ADCY8: variants seen among roughly 807,000 people sequenced by gnomAD.
ADCY8 encodes adenylate cyclase 8, also known as adenylate cyclase type 8.
A neutral mutation model predicts 119.7 loss-of-function variants in ADCY8; 51 were observed. The observed-to-expected ratio is 0.43, with a 90% CI of 0.34 to 0.54. ADCY8 has a LOEUF of 0.54. ADCY8 is among the 20% of genes least tolerant of loss of function. The pLI is 0.03. For missense variants in ADCY8, 1,383 were observed against 1,598.8 expected, an observed-to-expected ratio of 0.87 and a Z score of 2.30; for synonymous variants, 665 against 651.0, an observed-to-expected ratio of 1.02 and a Z score of -0.33.
chr8:130,835,800 A>G (rs867458160), intron 12 of ADCY8, among the ~76,000 whole-genome samples: 16 of 152,308 alleles, frequency 1.1e-4, no homozygotes, highest in South Asian at 2.1e-4. Flanking sequence ...TTGTTAAACT[A>G]TACTGTTTTT....
intron 1 of ADCY8, among the ~76,000 whole-genome samples, chr8:131,029,565 C>A (rs1823931910): frequency 6.6e-6 from 1 of 152,116 alleles, no homozygotes; most frequent in East Asian, 1.9e-4. Context: ...AGTAGATGGG[C>A]CTGATCCATT....
chr8:130,800,989 C>G (rs1041929534), intron 14 of ADCY8, among the ~76,000 whole-genome samples: 1 of 152,184 alleles, frequency 6.6e-6, no homozygotes, highest in African/African-American at 2.4e-5. Flanking sequence ...CCTTCATGAT[C>G]TAATCACCTC....
chr8:130,804,931 G>T (rs1349772401), intron 14 of ADCY8, among the ~76,000 whole-genome samples: 3 of 152,142 alleles, frequency 2.0e-5, no homozygotes, highest in African/African-American at 7.2e-5. Context: ...ATTTTTAGTA[G>T]AGATGGGGTT....
At chr8:131,034,413 C>A (rs879467637) in intron 1 of ADCY8, among the ~76,000 whole-genome samples, 4 of 151,814 alleles carry the variant, frequency 2.6e-5, no homozygotes, top group Non-Finnish European at 4.4e-5. Context: ...CTCCTGAACC[C>A]AACTTACTCA....
At chr8:130,875,895 G>A (rs914855960) in intron 8 of ADCY8, among the ~76,000 whole-genome samples, 1 of 152,136 alleles carries the variant, frequency 6.6e-6, no homozygotes, top group Non-Finnish European at 1.5e-5. Flanking sequence ...ACCGAAAAAA[G>A]AAATAACATT....
intron 2 of ADCY8, among the ~76,000 whole-genome samples, chr8:130,965,584 G>A (rs1228977560): frequency 6.6e-6 from 1 of 152,148 alleles, no homozygotes; most frequent in African/African-American, 2.4e-5. Context: ...GTAATGTTAT[G>A]TTCTTACAAC....
intron 2 of ADCY8, among the ~76,000 whole-genome samples, chr8:130,978,713 A>T (rs560610946): frequency 2.0e-5 from 3 of 152,202 alleles, no homozygotes; most frequent in African/African-American, 7.2e-5. Flanking sequence ...TTACAAAAAA[A>T]TTCTATTTAA....
At chr8:131,031,143 A>G (rs1285591081) in intron 1 of ADCY8, among the ~76,000 whole-genome samples, 2 of 152,154 alleles carry the variant, frequency 1.3e-5, no homozygotes, top group Non-Finnish European at 1.5e-5. Context: ...ATAGGAATAG[A>G]TATATAGATC....
Position 130,884,619 on chromosome 8 carries a change from C to G in ADCY8, c.2054G>C (p.Arg685Thr). Residue 685 changes from arginine to threonine, a missense_variant, in exon 8 of 18, where the codon AGA becomes ACA. By Grantham distance (71) the Arg-to-Thr change is moderately conservative (BLOSUM62 -1). Coordinates refer to ENST00000286355, the MANE Select transcript of ADCY8 (RefSeq NM_001115.3). ...IDLRSGDKLR[R>T]EHIKPFSLMF... ...CAGTGAGAATGGCTTGATATGCTCT[C>G]TTCTCAATTTATCGCCACTCCGCAA... The G allele has an allele frequency of 1.2e-6, 2 of 1,613,856 alleles. No individual in the cohort carries two copies. Among genetic ancestry groups the G allele is most frequent in the Non-Finnish European group, 1.7e-6 (2 of 1,179,860 alleles).
chr8:130,856,870 G>GTCTGGA (rs1386589831), intron 9 of ADCY8, among the ~76,000 whole-genome samples: 1 of 151,684 alleles, frequency 6.6e-6, no homozygotes, highest in Non-Finnish European at 1.5e-5. Context: ...TTTGGAATAA[G>GTCTGGA]TCTGGAACAT....
intron 2 of ADCY8, among the ~76,000 whole-genome samples, chr8:130,979,701 A>G (rs1461024649): frequency 1.1e-4 from 17 of 152,192 alleles, no homozygotes; most frequent in Admixed American, 8.5e-4. Context: ...TTCCTCATCT[A>G]TAAAATGGAG....
intron 17 of ADCY8, among the ~76,000 whole-genome samples, chr8:130,783,456 G>T: frequency 6.6e-6 from 1 of 152,228 alleles, no homozygotes; most frequent in Non-Finnish European, 1.5e-5. Context: ...GCCAAAGGCT[G>T]GCTGCTTTGT....
intron 2 of ADCY8, among the ~76,000 whole-genome samples, chr8:130,953,280 T>A (rs1821330524): frequency 6.6e-6 from 1 of 152,232 alleles, no homozygotes; most frequent in Non-Finnish European, 1.5e-5. Flanking sequence ...TATGGTTTAC[T>A]ATAGTGTCAA....
chr8:130,815,354 C>T (rs968492204), intron 13 of ADCY8, among the ~76,000 whole-genome samples: 2 of 152,178 alleles, frequency 1.3e-5, no homozygotes, highest in Non-Finnish European at 2.9e-5. Context: ...ACAGGTTTGG[C>T]ACAGGGCAGG....
chr8:130,845,820 G>T (rs1392172786), intron 11 of ADCY8, among the ~76,000 whole-genome samples: 1 of 152,046 alleles, frequency 6.6e-6, no homozygotes, highest in African/African-American at 2.4e-5. Flanking sequence ...ATAGTATCAA[G>T]CCTTGATAAT....
chr8:130,911,018 G>GA (rs1819964346), intron 5 of ADCY8, among the ~76,000 whole-genome samples: 1 of 152,090 alleles, frequency 6.6e-6, no homozygotes, highest in African/African-American at 2.4e-5. Context: ...CTATTCATTT[G>GA]TCTTTGACAG....
At position 131,023,823 on chromosome 8, in the gene ADCY8, C is replaced by T. The variant is rs995886464; in HGVS notation, c.960+15551G>A. On this transcript the variant is annotated intron_variant, in intron 1 of 17. Transcript: ENST00000286355. The stretch of plus-strand genomic sequence containing the variant: ...AGGCTTTTTTATATCCAAATTACCT[C>T]GAACCCATGGCTAGTTGGGTCTTTT... Among the ~76,000 whole-genome samples, 9 of 152,182 alleles carry T rather than the reference C, an allele frequency of 5.9e-5. 1 individual carries two copies. In the South Asian group the frequency reaches 1.2e-3, roughly 21 times the overall value.
intron 2 of ADCY8, among the ~76,000 whole-genome samples, chr8:130,970,150 C>G (rs967741181): frequency 6.6e-6 from 1 of 152,160 alleles, no homozygotes; most frequent in Non-Finnish European, 1.5e-5. Flanking sequence ...TCAGCAGTCC[C>G]CAGTTCCTGG....
intron 11 of ADCY8, among the ~76,000 whole-genome samples, chr8:130,843,801 A>G (rs1397116599): frequency 6.6e-6 from 1 of 152,188 alleles, no homozygotes; most frequent in Admixed American, 6.5e-5. Flanking sequence ...CCTTACGTCA[A>G]TAAATTTGAC....
Sources: allele counts gnomAD v4.1 joint callset (sites outside exome capture counted in the v4.1 genomes callset), GRCh38; gene constraint gnomAD v4.1.1; transcripts MANE v1.5; gene names NCBI Gene and HGNC (gene_info 2026-07-23, HGNC 2026-07-21).